PAQR7: variants seen among roughly 807,000 people sequenced by gnomAD.
PAQR7 encodes membrane progestin receptor alpha.
PAQR7 carries 14 observed loss-of-function variants against 24.6 expected under a neutral mutation model. The ratio of observed to expected loss-of-function variants is 0.57; its 90% CI spans 0.38 to 0.89. The LOEUF is 0.89. PAQR7 is among the 40% of genes least tolerant of loss of function. The pLI, the probability that PAQR7 is intolerant of heterozygous loss-of-function variation, is 0.00. For synonymous variants in PAQR7, 189 were observed against 198.8 expected (o/e 0.95, Z 0.42); for missense variants, 351 against 444.0 (o/e 0.79, Z 1.88).
intron 2 of PAQR7, among the ~76,000 whole-genome samples, chr1:25,865,310 G>A (rs574731334): frequency 6.6e-6 from 1 of 152,200 alleles, no homozygotes; most frequent in East Asian, 1.9e-4. Context: ...ATCAAGGGGA[G>A]GCAGTTTGTC....
At position 25,861,544 on chromosome 1, in the gene PAQR7, C is replaced by G. The variant is rs565077565; in HGVS notation, c.*1255G>C. ...ATAATCCAGACCACCCAGCCCCAACCCCACTTTTCCTTCCACACCTCTTGG... is the reference window on the plus strand; with the variant it reads ...ATAATCCAGACCACCCAGCCCCAACGCCACTTTTCCTTCCACACCTCTTGG... On this transcript the variant is annotated 3_prime_UTR_variant, in exon 3 of 3. Coordinates refer to ENST00000675840, the MANE Select transcript of PAQR7 (RefSeq NM_178422.6). 6.6e-6 allele frequency: 1 copy of G among 152,472 alleles called. No homozygotes were observed. Among genetic ancestry groups the G allele is most frequent in the African/African-American group, 2.4e-5 (1 of 41,560 alleles). 9.4% of individuals were successfully genotyped at this position (152,472 alleles called of 1,614,324 possible).
At chr1:25,873,322 G>A (rs570382996) in intron 1 of PAQR7, among the ~76,000 whole-genome samples, 9 of 152,292 alleles carry the variant, frequency 5.9e-5, no homozygotes, top group African/African-American at 2.2e-4. Flanking sequence ...TTTGTCCACC[G>A]TGGGTAACTC....
At chr1:25,871,180 C>T (rs1368366081) in intron 1 of PAQR7, 4 of 152,150 alleles carry the variant, frequency 2.6e-5, no homozygotes, top group African/African-American at 9.7e-5. Context: ...GTTTGGACTT[C>T]CAAGGACACT....
At chr1:25,874,949 A>G (rs1380844176) in intron 1 of PAQR7, among the ~76,000 whole-genome samples, 3 of 152,070 alleles carry the variant, frequency 2.0e-5, no homozygotes, top group African/African-American at 7.2e-5. Context: ...TGGATCCCTA[A>G]GTGGGACTCC....
At position 25,875,364 on chromosome 1, in the gene PAQR7, C is replaced by T. The variant is rs2048642488; in HGVS notation, c.-109+124G>A. ...CTGTCTTCCCCGGGTCCCAAGTCCG[C>T]CCCTGCCCCGCGGAGCCTTGCTCTT... On this transcript the variant is annotated intron_variant, in intron 1 of 2. Coordinates refer to ENST00000675840, the MANE Select transcript of PAQR7 (RefSeq NM_178422.6). The surrounding 1 kb of genome is among the most constrained non-coding windows in gnomAD (Gnocchi z 5.4). Among the ~76,000 whole-genome samples the T allele has an allele frequency of 6.6e-6, 1 of 152,210 alleles. No homozygotes were observed. Among genetic ancestry groups the T allele is most frequent in the Non-Finnish European group, 1.5e-5 (1 of 68,036 alleles).
At chr1:25,866,602 T>G (rs1411984671) in intron 2 of PAQR7, among the ~76,000 whole-genome samples, 7 of 151,844 alleles carry the variant, frequency 4.6e-5, no homozygotes, top group Admixed American at 3.9e-4. Flanking sequence ...AGGCAGACAC[T>G]ATCATTATTC....
chr1:25,872,731 G>A (rs1352606741), intron 1 of PAQR7, among the ~76,000 whole-genome samples: 1 of 151,908 alleles, frequency 6.6e-6, no homozygotes, highest in Non-Finnish European at 1.5e-5. Context: ...GGCTGGTCTC[G>A]AACTCCTGGT....
At chr1:25,864,196 C>T (rs886288688) in intron 2 of PAQR7, among the ~76,000 whole-genome samples, 2 of 152,170 alleles carry the variant, frequency 1.3e-5, no homozygotes, top group African/African-American at 4.8e-5. Context: ...TGTTTTCTCT[C>T]CTAAAGAACA....
At position 25,863,347 on chromosome 1, in the gene PAQR7, C is replaced by T. The variant is rs151265646; in HGVS notation, c.493G>A (p.Ala165Thr). The stretch of plus-strand genomic sequence containing the variant: ...ACAGCCTGCACCTGGGCATGCCAGG[C>T]GGGCTCGATAGCATAGTAGAAGTGT... The part of the protein sequence containing the change: ...LAHFYYAIEP[A>T]WHAQVQAVFL... The change falls in exon 3 of 3, where the codon GCC becomes ACC. Residue 165 changes from alanine to threonine, a missense_variant. By Grantham distance (58) the Ala-to-Thr change is moderately conservative (BLOSUM62 0). Transcript: ENST00000675840. This position sits in a 1 kb window ranked among gnomAD's most constrained non-coding sequence, Gnocchi z 6.1. 276 of 1,614,204 alleles carry T rather than the reference C, an allele frequency of 1.7e-4. No homozygotes were observed. The highest frequency in any genetic ancestry group is 3.3e-4 in the Middle Eastern group (2 of 6,062).
chr1:25,864,498 C>T (rs1218858967), intron 2 of PAQR7, among the ~76,000 whole-genome samples: 2 of 152,208 alleles, frequency 1.3e-5, no homozygotes, highest in Non-Finnish European at 2.9e-5. Context: ...TTACACGAGC[C>T]GTTCCCTCTG....
rs1315185558 is a variant in PAQR7 at position 25,863,909 on chromosome 1, C to A, written c.-22-48G>T. The A allele has an allele frequency of 5.5e-6, 8 of 1,441,682 alleles. No homozygotes were observed. Among genetic ancestry groups the A allele is most frequent in the Middle Eastern group, 2.0e-4 (1 of 4,946 alleles). 89.3% of individuals were successfully genotyped at this position (1,441,682 alleles called of 1,614,324 possible). A position where few individuals can be genotyped will look rare whatever the true frequency, so the allele number is the denominator to read the frequency against. ...GTCAGGGGCCTGGTGTCCTCACCCC[C>A]ACGAGCAGCAGCTGGGGGGCTCTGA... is the stretch of plus-strand genomic sequence containing the variant. On this transcript the variant is annotated intron_variant, in intron 2 of 2. Coordinates refer to ENST00000675840, the MANE Select transcript of PAQR7 (RefSeq NM_178422.6). This position sits in a 1 kb window ranked among gnomAD's most constrained non-coding sequence, Gnocchi z 6.1.
intron 2 of PAQR7, among the ~76,000 whole-genome samples, chr1:25,864,238 G>A (rs1049856814): frequency 2.0e-5 from 3 of 152,156 alleles, no homozygotes; most frequent in Non-Finnish European, 4.4e-5. Flanking sequence ...TGAGAGGGGT[G>A]AGGCGCTCTC....
In PAQR7 at chr1:25,863,420, G is replaced by C. The variant is rs142174295; in HGVS notation, c.420C>G (p.Phe140Leu). ...KSEFWHYSFF[F>L]LDYVGVAVYQ... ...ACACGGCCACCCCCACATAGTCCAG[G>C]AAGAAGAAGCTGTAATGCCAGAACT... Residue 140 changes from phenylalanine (F) to leucine (L), a missense_variant, in exon 3 of 3, where the codon TTC becomes TTG. Coordinates refer to ENST00000675840, the MANE Select transcript of PAQR7 (RefSeq NM_178422.6). The surrounding 1 kb of genome is among the most constrained non-coding windows in gnomAD (Gnocchi z 6.1). 9.9e-6 allele frequency: 16 copies of C among 1,614,120 alleles called. No homozygotes were observed. In the African/African-American group the frequency reaches 2.0e-4, roughly 20 times the overall value.
chr1:25,864,804 C>G (rs1014862177), intron 2 of PAQR7, among the ~76,000 whole-genome samples: 7 of 151,610 alleles, frequency 4.6e-5, no homozygotes, highest in Non-Finnish European at 7.4e-5. Context: ...GAGCTCTGAT[C>G]ACACTACTAC....
intron 1 of PAQR7, among the ~76,000 whole-genome samples, chr1:25,874,733 G>A (rs998291514): frequency 1.3e-5 from 2 of 152,198 alleles, no homozygotes; most frequent in African/African-American, 4.8e-5. Context: ...TCCAGGGGCT[G>A]CTACAGGGAA....
Position 25,863,732 on chromosome 1 carries a change from AGCT to A in PAQR7, c.105_107del (p.Ala36del). 6.2e-7 allele frequency: 1 copy of A among 1,613,970 alleles called. No individual in the cohort carries two copies. Among genetic ancestry groups the A allele is most frequent in the Non-Finnish European group, 8.5e-7 (1 of 1,180,026 alleles). ...GCTTCCAGAAGAGCGGCGGCACCTC[AGCT>A]CGATCCACCGTGAAGACAGGCTCTG... On this transcript the variant is annotated inframe_deletion, in exon 3 of 3. Transcript: ENST00000675840. The surrounding 1 kb of genome is among the most constrained non-coding windows in gnomAD (Gnocchi z 6.1).
At chr1:25,874,415 T>A (rs1398148133) in intron 1 of PAQR7, among the ~76,000 whole-genome samples, 1 of 152,176 alleles carries the variant, frequency 6.6e-6, no homozygotes. Context: ...AGGGGGAATC[T>A]CTTAGGCCCA....
chr1:25,873,464 G>C (rs2048620847), intron 1 of PAQR7, among the ~76,000 whole-genome samples: 3 of 151,386 alleles, frequency 2.0e-5, no homozygotes, highest in African/African-American at 7.3e-5. Flanking sequence ...AGTGTTTAAA[G>C]AAAAAGTCCC....
rs540822583 is a variant in PAQR7 at position 25,862,504 on chromosome 1, C to T, written c.*295G>A. The T allele has an allele frequency of 1.4e-5, 5 of 366,492 alleles. No homozygotes were observed. Among genetic ancestry groups the T allele is most frequent in the African/African-American group, 1.0e-4 (5 of 48,510 alleles). 22.7% of individuals were successfully genotyped at this position (366,492 alleles called of 1,614,324 possible). A position where few individuals can be genotyped will look rare whatever the true frequency, so the allele number is the denominator to read the frequency against. On this transcript the variant is annotated 3_prime_UTR_variant, in exon 3 of 3. Coordinates refer to ENST00000675840, the MANE Select transcript of PAQR7 (RefSeq NM_178422.6). ...CCCCAATCCTCACCAAGCTGACCCC[C>T]AGCCTCACCCCAGTGAGTGGCAGTG...
Sources: allele counts gnomAD v4.1 joint callset (sites outside exome capture counted in the v4.1 genomes callset), GRCh38; gene constraint gnomAD v4.1.1; non-coding constraint Gnocchi (gnomAD v3.1); transcripts MANE v1.5; gene names NCBI Gene and HGNC (gene_info 2026-07-23, HGNC 2026-07-21).